Variants in TBC1D10A observed in about 807,000 individuals in gnomAD.
TBC1D10A encodes EBP50-PDX interactor of 64 kDa.
In TBC1D10A, 24 loss-of-function variants were observed where a neutral mutation model predicts 52.9. The ratio of observed to expected loss-of-function variants is 0.45; its 90% CI spans 0.33 to 0.64. The LOEUF is 0.64. Ranked by LOEUF, TBC1D10A falls within the 30% of genes least tolerant of loss-of-function variation. TBC1D10A has a pLI of 0.02. For missense variants in TBC1D10A, 602 were observed against 687.9 expected (o/e 0.88, Z 1.40); for synonymous variants, 278 against 282.9 (o/e 0.98, Z 0.17).
Position 30,316,731 on chromosome 22 carries a change from C to T in TBC1D10A, c.209+9942G>A, listed in dbSNP as rs553964770. Among the ~76,000 whole-genome samples, 3 of 152,318 alleles carry T rather than the reference C, an allele frequency of 2.0e-5. No individual in the cohort carries two copies. The East Asian group carries it at 5.8e-4, about 29-fold the overall frequency. The stretch of plus-strand genomic sequence containing the variant: ...GGATGTCAGATGTAGCTGTCTTCAA[C>T]ACCATCCCACTAAAGCTGCCTTAGT... On this transcript the variant is annotated intron_variant, in intron 1 of 8. Transcript: ENST00000215790.
At chr22:30,326,608 CTCCGTCCGTGTCG>C in intron 1 of TBC1D10A, 52 bp downstream of exon 1, 1 of 1,490,900 alleles carries the variant, frequency 6.7e-7, no homozygotes, top group East Asian at 2.8e-5. Context: ...CCGAGGGCGC[CTCCGTCCGTGTCG>C]AGGCCCCTCG....
intron 2 of TBC1D10A, among the ~76,000 whole-genome samples, chr22:30,302,218 T>G (rs1209477875): frequency 6.6e-6 from 1 of 152,188 alleles, no homozygotes; most frequent in Non-Finnish European, 1.5e-5. Context: ...GGATAAAGCA[T>G]GGGAAAGTAT....
chr22:30,308,297 T>TGCCTGCCTGCATGCCC (rs1930354400), intron 1 of TBC1D10A, among the ~76,000 whole-genome samples: 2 of 74,832 alleles, frequency 2.7e-5, no homozygotes, highest in South Asian at 9.7e-4. Context: ...CCTGCATGCC[T>TGCCTGCCTGCATGCCC]GCATGCCTGC....
chr22:30,292,108 G>A lies in TBC1D10A; in HGVS notation c.*267C>T, dbSNP rs1014632335. The A allele has an allele frequency of 2.5e-6, 1 of 400,180 alleles. No individual in the cohort carries two copies. Among genetic ancestry groups the A allele is most frequent in the Non-Finnish European group, 4.4e-6 (1 of 225,108 alleles). 24.8% of individuals were successfully genotyped at this position (400,180 alleles called of 1,614,324 possible). A position where few individuals can be genotyped will look rare whatever the true frequency, so the allele number is the denominator to read the frequency against. ...CCTGGGGAGCATCCCCCAGGAGGAG[G>A]GGGCTGAAGGAGGCCCCACCCCCCA... is the stretch of plus-strand genomic sequence containing the variant. On this transcript the variant is annotated 3_prime_UTR_variant, in exon 9 of 9. Transcript: ENST00000215790.
At chr22:30,303,756 G>A (rs1930254216) in intron 2 of TBC1D10A, among the ~76,000 whole-genome samples, 1 of 152,244 alleles carries the variant, frequency 6.6e-6, no homozygotes, top group Non-Finnish European at 1.5e-5. Flanking sequence ...GCTCGGAACA[G>A]GCCTCCTCTA....
chr22:30,312,397 CCT>C (rs1930443873), intron 1 of TBC1D10A, among the ~76,000 whole-genome samples: 1 of 152,226 alleles, frequency 6.6e-6, no homozygotes, highest in Non-Finnish European at 1.5e-5. Context: ...CGGCACACGC[CCT>C]GTCATCCCAG....
chr22:30,319,095 T>TA (rs1476484993), intron 1 of TBC1D10A, among the ~76,000 whole-genome samples: 1 of 152,190 alleles, frequency 6.6e-6, no homozygotes, highest in African/African-American at 2.4e-5. Context: ...TTGCCACACA[T>TA]GCTCAAACGA....
At chr22:30,300,165 T>C (rs1008774485) in intron 2 of TBC1D10A, among the ~76,000 whole-genome samples, 2 of 151,716 alleles carry the variant, frequency 1.3e-5, no homozygotes, top group Non-Finnish European at 1.5e-5. Context: ...TGGAACCCTA[T>C]AGGCGGGCAC....
At chr22:30,320,877 T>C (rs1930637379) in intron 1 of TBC1D10A, among the ~76,000 whole-genome samples, 1 of 152,222 alleles carries the variant, frequency 6.6e-6, no homozygotes, top group Non-Finnish European at 1.5e-5. Context: ...TGAAGCAACA[T>C]GTCCAAGATC....
intron 1 of TBC1D10A, among the ~76,000 whole-genome samples, chr22:30,316,077 T>G (rs1363923686): frequency 6.6e-6 from 1 of 151,998 alleles, no homozygotes; most frequent in Non-Finnish European, 1.5e-5. Flanking sequence ...CCTATAAGGG[T>G]TACTGAGAGG....
chr22:30,316,216 T>C (rs935966319), intron 1 of TBC1D10A, among the ~76,000 whole-genome samples: 2 of 152,156 alleles, frequency 1.3e-5, no homozygotes, highest in Non-Finnish European at 2.9e-5. Context: ...CCTGGTATGG[T>C]AGTTCATGCC....
chr22:30,310,502 G>A (rs1930402625), intron 1 of TBC1D10A, among the ~76,000 whole-genome samples: 1 of 152,160 alleles, frequency 6.6e-6, no homozygotes, highest in South Asian at 2.1e-4. Flanking sequence ...AAGCTCTACC[G>A]CTTTACAGCT....
chr22:30,322,545 C>T lies in TBC1D10A; in HGVS notation c.209+4128G>A, dbSNP rs192923300. ...GAATTCCAGGTTTCTCACAGGCCTCCAGTTTATCCATCTGTATGCTGATGG... is the reference window on the plus strand; with the variant it reads ...GAATTCCAGGTTTCTCACAGGCCTCTAGTTTATCCATCTGTATGCTGATGG... On this transcript the variant is annotated intron_variant, in intron 1 of 8. Transcript: ENST00000215790. Among the ~76,000 whole-genome samples, 118 of 150,282 alleles carry T rather than the reference C, an allele frequency of 7.9e-4. 1 individual carries two copies. The highest frequency in any genetic ancestry group is 2.7e-3 in the African/African-American group (112 of 40,830).
chr22:30,323,830 G>A (rs577772048), intron 1 of TBC1D10A, among the ~76,000 whole-genome samples: 1 of 152,242 alleles, frequency 6.6e-6, no homozygotes, highest in South Asian at 2.1e-4. Context: ...AGCCAGGTGT[G>A]GTGATGGGTG....
At chr22:30,293,325 A>G (rs753206150) in intron 8 of TBC1D10A, 1 of 625,110 alleles carries the variant, frequency 1.6e-6, no homozygotes, top group South Asian at 1.5e-5. Flanking sequence ...TGCCCCTGAG[A>G]GACAAGTATC....
chr22:30,324,061 G>C (rs372416924), intron 1 of TBC1D10A, among the ~76,000 whole-genome samples: 1 of 152,104 alleles, frequency 6.6e-6, no homozygotes, highest in African/African-American at 2.4e-5. Context: ...GGTAGCCTGT[G>C]ACCTGCTTTC....
chr22:30,305,134 T>C (rs904053356), intron 1 of TBC1D10A, among the ~76,000 whole-genome samples: 1 of 152,254 alleles, frequency 6.6e-6, no homozygotes, highest in Admixed American at 6.5e-5. Context: ...CCTTTATTCA[T>C]GCCAGTAACT....
At chr22:30,313,031 G>A (rs970077126) in intron 1 of TBC1D10A, among the ~76,000 whole-genome samples, 4 of 152,208 alleles carry the variant, frequency 2.6e-5, no homozygotes, top group Admixed American at 2.6e-4. Context: ...GGGCTGTTTA[G>A]AGAAAGCTTT....
chr22:30,304,735 C>T, intron 1 of TBC1D10A, 105 bp from the exon 2 acceptor site: 1 of 1,509,508 alleles, frequency 6.6e-7, no homozygotes, highest in African/African-American at 1.4e-5. Context: ...TCCTGCCTAC[C>T]ATCCCTGCTG....
Sources: gnomAD v4.1 joint callset for allele counts (sites outside exome capture counted in the v4.1 genomes callset) on GRCh38, gnomAD v4.1.1 for gene constraint, MANE v1.5 for transcripts, NCBI Gene and HGNC (gene_info 2026-07-23, HGNC 2026-07-21) for gene names.